Variants in ZNF277 observed in about 807,000 individuals in gnomAD.
ZNF277 encodes nuclear receptor-interacting factor 4.
ZNF277 carries 55 observed loss-of-function variants against 60.7 expected under a neutral mutation model. The ratio of observed to expected loss-of-function variants is 0.91; its 90% CI spans 0.73 to 1.13. The LOEUF is 1.13. Ranked by LOEUF, ZNF277 falls within the 50% of genes most tolerant of loss-of-function variation. The pLI, the probability that ZNF277 is intolerant of heterozygous loss-of-function variation, is 0.00. For synonymous variants in ZNF277, 178 were observed against 179.3 expected, an observed-to-expected ratio of 0.99 and a Z score of 0.06; for missense variants, 510 against 523.0, an observed-to-expected ratio of 0.98 and a Z score of 0.24.
In ZNF277 at chr7:112,336,069, CCAATGTCTCT is replaced by C. The variant is rs545663994; in HGVS notation, c.802-32_802-23del. 185 of 1,570,112 alleles carry C rather than the reference CCAATGTCTCT, an allele frequency of 1.2e-4. No individual in the cohort carries two copies. In the African/African-American group the frequency reaches 2.2e-3, roughly 18 times the overall value. ...ACATACTCTCTCCCTTCTCTTTCCC[CCAATGTCTCT>C]CATCCCTCTGTTCTTCCTACAAAGG... On this transcript the variant is annotated intron_variant, in intron 7 of 11. Transcript: ENST00000361822.
At chr7:112,281,346 C>T (rs189807479) in intron 1 of ZNF277, among the ~76,000 whole-genome samples, 1 of 152,314 alleles carries the variant, frequency 6.6e-6, no homozygotes, top group Non-Finnish European at 1.5e-5. Flanking sequence ...AAAATGTATT[C>T]AGGATTCAGG....
chr7:112,338,927 T>C (rs1050012139), intron 9 of ZNF277, among the ~76,000 whole-genome samples: 8 of 152,136 alleles, frequency 5.3e-5, no homozygotes, highest in African/African-American at 1.9e-4. Flanking sequence ...TCCCAGTGAG[T>C]TAAATGGTCT....
chr7:112,282,421 T>C (rs1584374753), intron 1 of ZNF277, among the ~76,000 whole-genome samples: 1 of 152,234 alleles, frequency 6.6e-6, no homozygotes, highest in Admixed American at 6.5e-5. Flanking sequence ...TAATTTATTA[T>C]CCTTCCCTGC....
intron 1 of ZNF277, among the ~76,000 whole-genome samples, chr7:112,284,505 A>T (rs1351246756): frequency 6.6e-6 from 1 of 152,178 alleles, no homozygotes; most frequent in Non-Finnish European, 1.5e-5. Context: ...AATGCCTATG[A>T]AAGTTAACCT....
chr7:112,279,372 G>A (rs955603714), intron 1 of ZNF277, among the ~76,000 whole-genome samples: 1 of 151,930 alleles, frequency 6.6e-6, no homozygotes. Flanking sequence ...GTGATTTTCT[G>A]GGTTTTTTTT....
chr7:112,213,417 T>C (rs1290217626), intron 1 of ZNF277, among the ~76,000 whole-genome samples: 2 of 152,218 alleles, frequency 1.3e-5, no homozygotes, highest in African/African-American at 2.4e-5. Context: ...TATTTTCCTA[T>C]GACAAATCAA....
intron 5 of ZNF277, among the ~76,000 whole-genome samples, chr7:112,322,531 C>T (rs982135427): frequency 5.9e-5 from 9 of 152,140 alleles, no homozygotes; most frequent in Admixed American, 5.9e-4. Flanking sequence ...TACTTTCTGG[C>T]TACTATTGGC....
chr7:112,240,817 C>A (rs187332755), intron 1 of ZNF277, among the ~76,000 whole-genome samples: 8 of 152,262 alleles, frequency 5.3e-5, no homozygotes, highest in African/African-American at 1.9e-4. Context: ...AAGCATGAAA[C>A]TAGACCCTTG....
intron 9 of ZNF277, among the ~76,000 whole-genome samples, chr7:112,338,973 A>G (rs1261326334): frequency 1.3e-5 from 2 of 152,226 alleles, no homozygotes; most frequent in African/African-American, 4.8e-5. Context: ...AAACATTTAC[A>G]CAGACAATTG....
chr7:112,233,336 T>C lies in ZNF277; in HGVS notation c.91+26529T>C, dbSNP rs150442105. Among the ~76,000 whole-genome samples the C allele has an allele frequency of 4.4e-3, 669 of 152,336 alleles. 7 individuals carry two copies. The Middle Eastern group carries it at 0.048, about 11-fold the overall frequency. On this transcript the variant is annotated intron_variant, in intron 1 of 11. Coordinates refer to ENST00000361822, the MANE Select transcript of ZNF277 (RefSeq NM_021994.3). ...CTTATTCTTCTGTGCCTGTTAACCA[T>C]TGCAAGATACTGTCCTTGCAGGGCC... is the stretch of plus-strand genomic sequence containing the variant.
At chr7:112,314,667 G>T (rs1397794500) in intron 4 of ZNF277, among the ~76,000 whole-genome samples, 2 of 152,002 alleles carry the variant, frequency 1.3e-5, no homozygotes, top group Non-Finnish European at 2.9e-5. Context: ...ATAGTTGTAT[G>T]CCCCTGTAGT....
intron 5 of ZNF277, among the ~76,000 whole-genome samples, chr7:112,318,526 A>G (rs1043332734): frequency 2.0e-5 from 3 of 152,098 alleles, no homozygotes; most frequent in African/African-American, 7.2e-5. Flanking sequence ...AAATTGGCTG[A>G]CCTGCAAGAC....
chr7:112,292,046 A>G (rs1262792618), intron 2 of ZNF277, among the ~76,000 whole-genome samples: 3 of 152,160 alleles, frequency 2.0e-5, no homozygotes, highest in African/African-American at 7.2e-5. Context: ...CATGGGAAAC[A>G]CTTCCTATTT....
chr7:112,206,698 T>G lies in ZNF277; in HGVS notation c.-19T>G. The stretch of plus-strand genomic sequence containing the variant: ...CTCCGACCCGCCCTGCGGCCCTCCC[T>G]TTTCTTTTCTGCCGGGTAATGGCTG... On this transcript the variant is annotated 5_prime_UTR_variant, in exon 1 of 12. Coordinates refer to ENST00000361822, the MANE Select transcript of ZNF277 (RefSeq NM_021994.3). 1 of 1,611,644 alleles carries G rather than the reference T, an allele frequency of 6.2e-7. No homozygotes were observed. The highest frequency in any genetic ancestry group is 8.5e-7 in the Non-Finnish European group (1 of 1,179,074).
Position 112,243,466 on chromosome 7 carries a change from C to T in ZNF277, c.91+36659C>T, listed in dbSNP as rs541694863. On this transcript the variant is annotated intron_variant, in intron 1 of 11. Transcript: ENST00000361822. ...GACTAATACCAGAATCCACAAGGAA[C>T]TCAAACAACTAAACAAGAAAAAAAA... 6.7e-5 allele frequency among the ~76,000 whole-genome samples: 10 copies of T among 148,186 alleles called. No individual in the cohort carries two copies. The South Asian group carries it at 1.8e-3, about 26-fold the overall frequency.
chr7:112,207,039 A>G (rs73193000), intron 1 of ZNF277, among the ~76,000 whole-genome samples: 8,743 of 152,202 alleles, frequency 0.057, 350 homozygotes, highest in South Asian at 0.13. Flanking sequence ...AGAAAATGCC[A>G]TGGAATGGCC....
At chr7:112,305,428 G>T (rs1792566927) in intron 4 of ZNF277, among the ~76,000 whole-genome samples, 1 of 151,580 alleles carries the variant, frequency 6.6e-6, no homozygotes, top group South Asian at 2.1e-4. Context: ...TTAGCTATCA[G>T]CTACAGTGTT....
intron 6 of ZNF277, 114 bp from the exon 7 acceptor site, chr7:112,329,970 T>C: frequency 8.3e-7 from 1 of 1,204,176 alleles, no homozygotes; most frequent in Non-Finnish European, 1.1e-6. Context: ...GTATATCCCA[T>C]TTGAAGATGC....
chr7:112,319,799 T>A (rs1157731427), intron 5 of ZNF277, among the ~76,000 whole-genome samples: 16 of 151,402 alleles, frequency 1.1e-4, no homozygotes. Context: ...TAGAGAAAAA[T>A]CGGTGCCAAG....
Sources: gnomAD v4.1 joint callset for allele counts (sites outside exome capture counted in the v4.1 genomes callset) on GRCh38, gnomAD v4.1.1 for gene constraint, MANE v1.5 for transcripts, NCBI Gene and HGNC (gene_info 2026-07-23, HGNC 2026-07-21) for gene names.